HMCN1: variants seen among roughly 807,000 people sequenced by gnomAD.
HMCN1 encodes the protein hemicentin 1.
A neutral mutation model predicts 625.9 loss-of-function variants in HMCN1; 321 were observed. That is an observed-to-expected ratio of 0.51 (90% confidence interval 0.47 to 0.56). The LOEUF is 0.56. Among genes scored for constraint, HMCN1 ranks in the 20% least tolerant of loss-of-function variants. HMCN1 has a pLI of 0.00. For missense variants in HMCN1, 6,588 were observed against 6,887.3 expected (o/e 0.96, Z 1.54); for synonymous variants, 2,425 against 2,417.6 (o/e 1.00, Z -0.09).
At chr1:185,782,982 C>G (rs1657253287) in intron 1 of HMCN1, among the ~76,000 whole-genome samples, 2 of 152,202 alleles carry the variant, frequency 1.3e-5, no homozygotes, top group South Asian at 4.1e-4. Context: ...TTCAGGTACA[C>G]CAATCAGACG....
intron 42 of HMCN1, 96 bp downstream of exon 42, chr1:186,048,935 T>C (rs1656763885): frequency 4.0e-6 from 3 of 753,356 alleles, no homozygotes; most frequent in African/African-American, 1.7e-5. Flanking sequence ...CTGATTATAA[T>C]AGGTAGATGA....
chr1:186,115,756 A>G (rs1661103793), intron 75 of HMCN1, among the ~76,000 whole-genome samples: 1 of 152,214 alleles, frequency 6.6e-6, no homozygotes, highest in Non-Finnish European at 1.5e-5. Context: ...GTAAAAATAA[A>G]TACGATCTTT....
At chr1:185,888,555 T>A (rs1664826985) in intron 4 of HMCN1, among the ~76,000 whole-genome samples, 1 of 145,382 alleles carries the variant, frequency 6.9e-6, no homozygotes, top group South Asian at 2.1e-4. Context: ...GCACCATTTA[T>A]TAAAGAGGGA....
chr1:185,752,031 T>G (rs1485416094), intron 1 of HMCN1, among the ~76,000 whole-genome samples: 6 of 152,162 alleles, frequency 3.9e-5, no homozygotes, highest in Admixed American at 3.9e-4. Context: ...GGGAGTCTGG[T>G]GCACCTTGGC....
chr1:185,735,591 T>C (rs1256512353), intron 1 of HMCN1, among the ~76,000 whole-genome samples: 1 of 152,186 alleles, frequency 6.6e-6, no homozygotes, highest in Non-Finnish European at 1.5e-5. Flanking sequence ...ACTGAATCTA[T>C]TCATCTTTGC....
intron 11 of HMCN1, among the ~76,000 whole-genome samples, chr1:185,937,056 C>T (rs1667845659): frequency 6.6e-6 from 1 of 152,132 alleles, no homozygotes; most frequent in Non-Finnish European, 1.5e-5. Flanking sequence ...AGTAGAAATA[C>T]TGAGGAACAA....
chr1:185,760,743 A>T (rs1251949749), intron 1 of HMCN1, among the ~76,000 whole-genome samples: 1 of 152,188 alleles, frequency 6.6e-6, no homozygotes, highest in Non-Finnish European at 1.5e-5. Context: ...AAGGAATACT[A>T]ATAGGTAATG....
intron 4 of HMCN1, among the ~76,000 whole-genome samples, chr1:185,895,199 T>C (rs747934303): frequency 2.4e-4 from 36 of 152,382 alleles, no homozygotes; most frequent in Non-Finnish European, 5.1e-4. Flanking sequence ...TGCAACTATC[T>C]ATTTGTAAAT....
chr1:186,104,174 G>T (rs1162125290), intron 69 of HMCN1, among the ~76,000 whole-genome samples: 1 of 152,146 alleles, frequency 6.6e-6, no homozygotes, highest in Non-Finnish European at 1.5e-5. Flanking sequence ...AAGTATGTCT[G>T]GGATGTCTTA....
At chr1:185,790,740 A>G (rs544336771) in intron 1 of HMCN1, among the ~76,000 whole-genome samples, 17 of 152,158 alleles carry the variant, frequency 1.1e-4, no homozygotes, top group Non-Finnish European at 2.2e-4. Flanking sequence ...CATTATGCCA[A>G]CCAAAAATGC....
intron 82 of HMCN1, among the ~76,000 whole-genome samples, chr1:186,127,034 C>T (rs1288119963): frequency 6.6e-6 from 1 of 151,924 alleles, no homozygotes. Flanking sequence ...TACTTTGAAG[C>T]TAGCATTTTC....
chr1:186,009,967 AGCCAGCAAAATAGAGTTC>A (rs1653886302), intron 30 of HMCN1, among the ~76,000 whole-genome samples: 1 of 152,114 alleles, frequency 6.6e-6, no homozygotes, highest in Admixed American at 6.6e-5. Flanking sequence ...TCTCACGAGA[AGCCAGCAAAATAGAGTTC>A]GCGCTCCTAT....
chr1:185,854,626 T>C (rs1662351808), intron 2 of HMCN1, among the ~76,000 whole-genome samples: 1 of 152,228 alleles, frequency 6.6e-6, no homozygotes, highest in Non-Finnish European at 1.5e-5. Flanking sequence ...ACTAGGTCTC[T>C]ATCCTTTTAT....
chr1:185,772,176 T>C (rs772012235), intron 1 of HMCN1, among the ~76,000 whole-genome samples: 8 of 152,180 alleles, frequency 5.3e-5, no homozygotes, highest in Admixed American at 2.0e-4. Flanking sequence ...GGGCAAGAGA[T>C]AAGTCATTAA....
chr1:186,182,290 G>A lies in HMCN1; in HGVS notation c.16414+3G>A. 1 of 1,613,220 alleles carries A rather than the reference G, an allele frequency of 6.2e-7. No homozygotes were observed. The highest frequency in any genetic ancestry group is 8.5e-7 in the Non-Finnish European group (1 of 1,179,346). On this transcript the variant is annotated splice_donor_region_variant and intron_variant, in intron 105 of 106. Transcript: ENST00000271588. ...ACACAATGGAAAGACATGCCAAGGT[G>A]AGAAAACATTGGGATGTTTATTGTT...
chr1:185,932,720 G>T (rs545599336), intron 10 of HMCN1, among the ~76,000 whole-genome samples: 48 of 152,144 alleles, frequency 3.2e-4, no homozygotes, highest in Admixed American at 1.2e-3. Context: ...GGCCTGTTGT[G>T]GGGTGGGGGA....
At chr1:185,810,305 T>C in intron 1 of HMCN1, among the ~76,000 whole-genome samples, 1 of 152,234 alleles carries the variant, frequency 6.6e-6, no homozygotes, top group East Asian at 1.9e-4. Context: ...CAATTTTGTA[T>C]TTTGCATACA....
intron 22 of HMCN1, 45 bp downstream of exon 22, chr1:185,990,488 C>T (rs907937587): frequency 1.4e-5 from 21 of 1,541,768 alleles, no homozygotes; most frequent in Non-Finnish European, 1.8e-5. Flanking sequence ...ACATAATCAA[C>T]CTCTTGGGAC....
At chr1:186,040,019 A>T (rs1656103334) in intron 39 of HMCN1, 140 bp downstream of exon 39, 13 of 802,570 alleles carry the variant, frequency 1.6e-5, no homozygotes, top group South Asian at 1.5e-4. Flanking sequence ...GCAACCATAA[A>T]CACCATGGAC....
Sources: allele counts gnomAD v4.1 joint callset (sites outside exome capture counted in the v4.1 genomes callset), GRCh38; gene constraint gnomAD v4.1.1; transcripts MANE v1.5; gene names NCBI Gene and HGNC (gene_info 2026-07-23, HGNC 2026-07-21).